ASAP2: variants seen among roughly 807,000 people sequenced by gnomAD.
ASAP2 encodes arf-GAP with SH3 domain, ANK repeat and PH domain-containing protein 2.
ASAP2 carries 45 observed loss-of-function variants against 131.4 expected under a neutral mutation model. The observed-to-expected ratio is 0.34, with a 90% CI of 0.27 to 0.44. The LOEUF is 0.44. ASAP2 is among the 20% of genes least tolerant of loss of function. The pLI, the probability that ASAP2 is intolerant of heterozygous loss-of-function variation, is 1.00. For missense variants in ASAP2, 1,011 were observed against 1,297.0 expected (o/e 0.78, Z 3.39); for synonymous variants, 510 against 503.0 (o/e 1.01, Z -0.19).
At chr2:9,251,219 G>A (rs1479986343) in intron 1 of ASAP2, among the ~76,000 whole-genome samples, 1 of 152,244 alleles carries the variant, frequency 6.6e-6, no homozygotes, top group Non-Finnish European at 1.5e-5. Context: ...TAGTCCGCAA[G>A]TAGAGGTGGG....
At chr2:9,395,122 G>A (rs1558401005) in intron 24 of ASAP2, among the ~76,000 whole-genome samples, 1 of 152,224 alleles carries the variant, frequency 6.6e-6, no homozygotes, top group Non-Finnish European at 1.5e-5. Context: ...CTCAGACACA[G>A]TCGGGGCAGA....
At chr2:9,331,016 G>A (rs1415571000) in intron 7 of ASAP2, among the ~76,000 whole-genome samples, 1 of 152,260 alleles carries the variant, frequency 6.6e-6, no homozygotes, top group African/African-American at 2.4e-5. Flanking sequence ...CAACTCAGCT[G>A]CAGAGTAAGA....
chr2:9,207,322 T>C lies in ASAP2; in HGVS notation c.126+92T>C, dbSNP rs2147909327. On this transcript the variant is annotated intron_variant, in intron 1 of 27. Transcript: ENST00000281419. The surrounding 1 kb of genome is among the most constrained non-coding windows in gnomAD (Gnocchi z 4.1). ...GCATCCGCATCCCGAGAAAACTTTC[T>C]TTGCTCCGAAGCCGGACGCGGCCGG... 7.1e-7 allele frequency: 1 copy of C among 1,417,168 alleles called. No homozygotes were observed. The highest frequency in any genetic ancestry group is 9.2e-7 in the Non-Finnish European group (1 of 1,084,354). 87.8% of individuals were successfully genotyped at this position (1,417,168 alleles called of 1,614,324 possible). A position where few individuals can be genotyped will look rare whatever the true frequency, so the allele number is the denominator to read the frequency against.
At chr2:9,302,361 C>T (rs559228121) in intron 3 of ASAP2, among the ~76,000 whole-genome samples, 14 of 150,476 alleles carry the variant, frequency 9.3e-5, no homozygotes, top group South Asian at 2.1e-4. Context: ...TTAGCAGAGA[C>T]GGAGTTTGAC....
At chr2:9,220,851 C>G (rs1258887422) in intron 1 of ASAP2, among the ~76,000 whole-genome samples, 1 of 152,034 alleles carries the variant, frequency 6.6e-6, no homozygotes, top group Non-Finnish European at 1.5e-5. Flanking sequence ...AGGTAGGGGT[C>G]CAACTTCATT....
intron 7 of ASAP2, among the ~76,000 whole-genome samples, chr2:9,331,901 C>T (rs1235655920): frequency 1.6e-4 from 24 of 152,146 alleles, no homozygotes; most frequent in Admixed American, 1.4e-3. Flanking sequence ...CAAGATAAGG[C>T]TCAGCCCCGG....
chr2:9,263,034 G>A (rs868228221), intron 1 of ASAP2, among the ~76,000 whole-genome samples: 3 of 152,122 alleles, frequency 2.0e-5, no homozygotes, highest in Non-Finnish European at 4.4e-5. Context: ...CTGACCTCAC[G>A]CCCAGCTGAA....
chr2:9,261,143 T>A (rs1009968993), intron 1 of ASAP2, among the ~76,000 whole-genome samples: 14 of 152,140 alleles, frequency 9.2e-5, no homozygotes, highest in Non-Finnish European at 1.3e-4. Flanking sequence ...CCCCCTTGCC[T>A]GTAGCTGGGC....
intron 16 of ASAP2, among the ~76,000 whole-genome samples, chr2:9,370,081 G>A (rs1480284571): frequency 6.6e-6 from 1 of 152,106 alleles, no homozygotes; most frequent in African/African-American, 2.4e-5. Context: ...CTCGTGATCT[G>A]CCCACCTTGG....
At chr2:9,337,882 C>T (rs1219863619) in intron 9 of ASAP2, among the ~76,000 whole-genome samples, 1 of 152,174 alleles carries the variant, frequency 6.6e-6, no homozygotes, top group African/African-American at 2.4e-5. Context: ...GGTTTTCATA[C>T]TTGGAGAAAA....
At chr2:9,350,685 G>A in intron 11 of ASAP2, 123 bp from the exon 12 acceptor site, 2 of 741,634 alleles carry the variant, frequency 2.7e-6, no homozygotes, top group Admixed American at 2.9e-5. Context: ...CAAGTCTGAA[G>A]GCCACCTTTG....
At chr2:9,325,615 A>G (rs1670430711) in intron 6 of ASAP2, among the ~76,000 whole-genome samples, 1 of 152,230 alleles carries the variant, frequency 6.6e-6, no homozygotes, top group African/African-American at 2.4e-5. Flanking sequence ...CTTGAGGAGT[A>G]ATTGGTTCCC....
At chr2:9,373,421 C>T (rs941223140) in intron 16 of ASAP2, among the ~76,000 whole-genome samples, 3 of 152,218 alleles carry the variant, frequency 2.0e-5, no homozygotes. Context: ...TGGCAAGAGA[C>T]CTCTGCCCAC....
At chr2:9,257,711 G>A (rs1665262777) in intron 1 of ASAP2, among the ~76,000 whole-genome samples, 1 of 152,088 alleles carries the variant, frequency 6.6e-6, no homozygotes, top group Admixed American at 6.5e-5. Flanking sequence ...GGTAGAGATG[G>A]GGTTTCACCA....
intron 3 of ASAP2, among the ~76,000 whole-genome samples, chr2:9,317,852 C>G (rs1455417152): frequency 6.6e-6 from 1 of 152,096 alleles, no homozygotes; most frequent in Non-Finnish European, 1.5e-5. Flanking sequence ...CCCTCACACA[C>G]CTACACGATC....
At chr2:9,248,058 A>C (rs1664455395) in intron 1 of ASAP2, among the ~76,000 whole-genome samples, 1 of 152,212 alleles carries the variant, frequency 6.6e-6, no homozygotes, top group African/African-American at 2.4e-5. Flanking sequence ...GCTGTCCTCG[A>C]GTCTGGGACA....
At chr2:9,244,427 C>T (rs1273056350) in intron 1 of ASAP2, among the ~76,000 whole-genome samples, 1 of 152,168 alleles carries the variant, frequency 6.6e-6, no homozygotes, top group African/African-American at 2.4e-5. Flanking sequence ...TTAATCTAAG[C>T]AAAGTGGATT....
At chr2:9,272,730 T>C (rs772377079) in intron 1 of ASAP2, among the ~76,000 whole-genome samples, 1 of 152,216 alleles carries the variant, frequency 6.6e-6, no homozygotes, top group Non-Finnish European at 1.5e-5. Flanking sequence ...GATTTTTGTG[T>C]ATGGTGAAAG....
At chr2:9,235,368 C>A (rs1021264649) in intron 1 of ASAP2, among the ~76,000 whole-genome samples, 1 of 152,196 alleles carries the variant, frequency 6.6e-6, no homozygotes, top group African/African-American at 2.4e-5. Flanking sequence ...CAGGACCCAG[C>A]CCTGGTGGGT....
Sources: allele counts gnomAD v4.1 joint callset (sites outside exome capture counted in the v4.1 genomes callset), GRCh38; gene constraint gnomAD v4.1.1; non-coding constraint Gnocchi (gnomAD v3.1); transcripts MANE v1.5; gene names NCBI Gene and HGNC (gene_info 2026-07-23, HGNC 2026-07-21).